LRP6: variants seen among roughly 807,000 people sequenced by gnomAD.
LRP6 encodes LDL receptor related protein 6.
LRP6 carries 43 observed loss-of-function variants against 184.1 expected under a neutral mutation model. The observed-to-expected ratio is 0.23, with a 90% CI of 0.18 to 0.30. LRP6 has a LOEUF of 0.30. Among genes scored for constraint, LRP6 ranks in the 10% least tolerant of loss-of-function variants. LRP6 has a pLI of 1.00. For missense variants in LRP6, 1,571 were observed against 2,005.3 expected (o/e 0.78, Z 4.14); for synonymous variants, 719 against 684.9 (o/e 1.05, Z -0.78).
rs145383522 is a variant in LRP6, at chr12:12,126,988, A to C, written c.4082-67T>G. 1,369 of 1,303,236 alleles carry C rather than the reference A, an allele frequency of 1.1e-3. 2 individuals carry two copies. The highest frequency in any genetic ancestry group is 1.4e-3 in the Non-Finnish European group (1,295 of 901,848). The allele number at this position is 1,303,236 out of a possible 1,614,324, so 80.7% of individuals were successfully genotyped here. ...ACTGTATATTCAAAATAGTAATCAAAAGAGGGCTTGCTAATAGGATGTGAA... is the reference window on the plus strand; with the variant it reads ...ACTGTATATTCAAAATAGTAATCAACAGAGGGCTTGCTAATAGGATGTGAA... On this transcript the variant is annotated intron_variant, in intron 19 of 22. Transcript: ENST00000261349.
chr12:12,195,290 C>T (rs1310618346), intron 3 of LRP6, among the ~76,000 whole-genome samples: 8 of 151,966 alleles, frequency 5.3e-5, no homozygotes, highest in Non-Finnish European at 7.4e-5. Flanking sequence ...TTCTCCATAG[C>T]GGCTGTACTA....
intron 2 of LRP6, among the ~76,000 whole-genome samples, chr12:12,227,476 C>T (rs1230205394): frequency 6.6e-6 from 1 of 150,880 alleles, no homozygotes; most frequent in East Asian, 1.9e-4. Flanking sequence ...AGCGCAATCT[C>T]GCCTCACTGC....
rs898338505 is a variant in LRP6 at position 12,254,413 on chromosome 12, G to A, written c.56-9758C>T. Among the ~76,000 whole-genome samples the A allele has an allele frequency of 6.6e-5, 10 of 152,112 alleles. 1 individual carries two copies. Among genetic ancestry groups the A allele is most frequent in the Admixed American group, 6.6e-5 (1 of 15,262 alleles). On this transcript the variant is annotated intron_variant, in intron 1 of 22. Coordinates refer to ENST00000261349, the MANE Select transcript of LRP6 (RefSeq NM_002336.3). ...TTTAAAATATTGCTGATGCCTTAGC[G>A]TCCTATTTTCTGGATATAAGGAACC...
chr12:12,209,212 G>C (rs1362941747), intron 2 of LRP6, among the ~76,000 whole-genome samples: 1 of 152,190 alleles, frequency 6.6e-6, no homozygotes. Flanking sequence ...TGTCTTTCTT[G>C]TACAATATAA....
intron 15 of LRP6, among the ~76,000 whole-genome samples, chr12:12,143,525 A>G (rs921771943): frequency 2.0e-5 from 3 of 150,916 alleles, no homozygotes; most frequent in African/African-American, 4.8e-5. Context: ...ACAGTATAAT[A>G]TAAGTAAAGG....
intron 2 of LRP6, among the ~76,000 whole-genome samples, chr12:12,209,575 A>G (rs1864152807): frequency 6.6e-6 from 1 of 152,244 alleles, no homozygotes. Context: ...ATATAAAGGA[A>G]TAGATTTCAT....
At chr12:12,129,877 T>A (rs1248888691) in intron 19 of LRP6, among the ~76,000 whole-genome samples, 1 of 152,206 alleles carries the variant, frequency 6.6e-6, no homozygotes, top group African/African-American at 2.4e-5. Context: ...ACCATTTTTC[T>A]AAGATGCCTT....
At chr12:12,197,242 T>C (rs1863786444) in intron 3 of LRP6, among the ~76,000 whole-genome samples, 1 of 152,222 alleles carries the variant, frequency 6.6e-6, no homozygotes, top group South Asian at 2.1e-4. Context: ...CCCTAAATAG[T>C]CTTTAACAGC....
intron 1 of LRP6, among the ~76,000 whole-genome samples, chr12:12,256,805 C>A (rs1003363422): frequency 2.0e-5 from 3 of 151,382 alleles, no homozygotes; most frequent in Non-Finnish European, 4.4e-5. Context: ...GACTCTGTTT[C>A]AAAAAAAACA....
rs1187307515 is a variant in LRP6 at position 12,181,139 on chromosome 12, C to T, written c.1277G>A (p.Arg426Gln). 4 of 1,613,920 alleles carry T rather than the reference C, an allele frequency of 2.5e-6. No individual in the cohort carries two copies. The highest frequency in any genetic ancestry group is 4.5e-5 in the East Asian group (2 of 44,894). ...NLYWTDTGTD[R>Q]IEVTRLNGTM... ...CCCATTGAGCCTTGTCACTTCTATT[C>T]GATCAGTGCCAGTGTCTGTCCAATA... The change falls in exon 6 of 23, where the codon CGA becomes CAA. Residue 426 changes from arginine to glutamine, a missense_variant. Physicochemically the swap from Arg to Gln is conservative, Grantham distance 43. Transcript: ENST00000261349.
At position 12,120,594 on chromosome 12, in the gene LRP6, C is replaced by T. The variant is rs989205512; in HGVS notation, c.*532G>A. On this transcript the variant is annotated 3_prime_UTR_variant, in exon 23 of 23. Coordinates refer to ENST00000261349, the MANE Select transcript of LRP6 (RefSeq NM_002336.3). ...TTGGATTCCTAGAGAAAACAAAGCC[C>T]TTCGTCCAAGGTTAGTATTAATTGC... 1 of 152,432 alleles carries T rather than the reference C, an allele frequency of 6.6e-6. No homozygotes were observed. Among genetic ancestry groups the T allele is most frequent in the African/African-American group, 2.4e-5 (1 of 41,424 alleles). 9.4% of individuals were successfully genotyped at this position (152,432 alleles called of 1,614,324 possible).
chr12:12,209,622 A>C lies in LRP6; in HGVS notation c.450-6222T>G, dbSNP rs570398483. On this transcript the variant is annotated intron_variant, in intron 2 of 22. Coordinates refer to ENST00000261349, the MANE Select transcript of LRP6 (RefSeq NM_002336.3). ...AAACATTTTCATTAACTTTTAAATT[A>C]AAAAGCTCATTACAAATGTAACCGA... Among the ~76,000 whole-genome samples, 45 of 152,370 alleles carry C rather than the reference A, an allele frequency of 3.0e-4. 1 individual carries two copies. In the East Asian group the frequency reaches 8.3e-3, roughly 28 times the overall value.
At chr12:12,167,543 T>C (rs1287901733) in intron 7 of LRP6, among the ~76,000 whole-genome samples, 2 of 151,714 alleles carry the variant, frequency 1.3e-5, no homozygotes, top group Non-Finnish European at 2.9e-5. Flanking sequence ...CTCGGGAGGC[T>C]GAGGCAGGAG....
intron 2 of LRP6, among the ~76,000 whole-genome samples, chr12:12,237,595 A>C (rs1021084120): frequency 6.6e-6 from 1 of 152,268 alleles, no homozygotes; most frequent in African/African-American, 2.4e-5. Flanking sequence ...ATCACCTAGT[A>C]TCCACATAAT....
rs146363101 is a variant in LRP6, at chr12:12,202,486, T to A, written c.647+717A>T. ...TGAGCCCAGGAGACAGAGGTTGCAG[T>A]GAGCTGAGATCACGCTACTGCATTC... On this transcript the variant is annotated intron_variant, in intron 3 of 22. Transcript: ENST00000261349. Among the ~76,000 whole-genome samples the A allele has an allele frequency of 1.8e-4, 27 of 152,330 alleles. No homozygotes were observed. In the East Asian group the frequency reaches 5.2e-3, roughly 29 times the overall value.
At chr12:12,197,297 T>A (rs187137429) in intron 3 of LRP6, among the ~76,000 whole-genome samples, 88 of 152,360 alleles carry the variant, frequency 5.8e-4, no homozygotes, top group Non-Finnish European at 1.1e-3. Context: ...AGCATGTACA[T>A]TTCTTGCCCA....
intron 2 of LRP6, among the ~76,000 whole-genome samples, chr12:12,239,808 A>T (rs1008484531): frequency 5.9e-5 from 9 of 151,284 alleles, no homozygotes. Context: ...AAAGCTATTA[A>T]AATACTGTGT....
At chr12:12,138,684 G>A (rs930619417) in intron 15 of LRP6, 150 bp from the exon 16 acceptor site, 1 of 1,325,786 alleles carries the variant, frequency 7.5e-7, no homozygotes, top group African/African-American at 1.5e-5. Flanking sequence ...ATCATGGTAA[G>A]ACATACACTA....
chr12:12,261,711 C>T (rs1217981296), intron 1 of LRP6, among the ~76,000 whole-genome samples: 1 of 152,150 alleles, frequency 6.6e-6, no homozygotes, highest in Non-Finnish European at 1.5e-5. Context: ...ATAAAGTGTA[C>T]AGAGATCACT....
Sources: gnomAD v4.1 joint callset for allele counts (sites outside exome capture counted in the v4.1 genomes callset) on GRCh38, gnomAD v4.1.1 for gene constraint, MANE v1.5 for transcripts, NCBI Gene and HGNC (gene_info 2026-07-23, HGNC 2026-07-21) for gene names.